Variants in FBXL2 observed in about 807,000 individuals in gnomAD.
FBXL2 encodes the protein F-box and leucine rich repeat protein 2.
In FBXL2, 38 loss-of-function variants were observed where a neutral mutation model predicts 69.2. The observed-to-expected ratio is 0.55, with a 90% CI of 0.42 to 0.72. FBXL2 has a LOEUF of 0.72. FBXL2 is among the 30% of genes least tolerant of loss of function. The pLI is 0.00. For missense variants in FBXL2, 354 were observed against 520.3 expected, an observed-to-expected ratio of 0.68 and a Z score of 3.11; for synonymous variants, 192 against 201.3, an observed-to-expected ratio of 0.95 and a Z score of 0.39.
intron 10 of FBXL2, 86 bp from the exon 11 acceptor site, chr3:33,377,187 A>G (rs983355757): frequency 7.7e-7 from 1 of 1,293,464 alleles, no homozygotes; most frequent in Non-Finnish European, 1.1e-6. Context: ...AAGAGCAGAA[A>G]AGACTCAAGT....
At chr3:33,340,942 C>A (rs2039975775) in intron 2 of FBXL2, among the ~76,000 whole-genome samples, 1 of 150,390 alleles carries the variant, frequency 6.6e-6, no homozygotes. Context: ...TTTAAATTGC[C>A]TATCTTATGC....
intron 1 of FBXL2, among the ~76,000 whole-genome samples, chr3:33,293,247 A>T (rs1438642759): frequency 6.6e-6 from 1 of 152,234 alleles, no homozygotes; most frequent in East Asian, 1.9e-4. Flanking sequence ...AGACTGTCTT[A>T]GGCACTTTAC....
chr3:33,395,749 T>TG (rs1286211979), intron 12 of FBXL2, among the ~76,000 whole-genome samples: 7 of 29,820 alleles, frequency 2.3e-4, no homozygotes, highest in Non-Finnish European at 4.4e-4. Flanking sequence ...TCAGGAAAAT[T>TG]GAAAAAAAAA....
In FBXL2 at chr3:33,320,033, G is replaced by T. The variant is rs78845556; in HGVS notation, c.65+22308G>T. ...ATGTATAGATAGGCCCAGTATTACA[G>T]ATATACCCATTCTCCCTAGATCTAT... On this transcript the variant is annotated intron_variant, in intron 2 of 14. Coordinates refer to ENST00000484457, the MANE Select transcript of FBXL2 (RefSeq NM_012157.5). Among the ~76,000 whole-genome samples the T allele has an allele frequency of 1.7e-4, 26 of 152,222 alleles. No homozygotes were observed. In the East Asian group the frequency reaches 4.4e-3, roughly 26 times the overall value.
chr3:33,373,019 T>C lies in FBXL2; in HGVS notation c.291-73T>C, dbSNP rs1575383125. On this transcript the variant is annotated intron_variant, in intron 5 of 14. Transcript: ENST00000484457. ...GTTTGAGGGAGCGCTGTTCTAAGCG[T>C]GAATGGTTTCATATGCCCTCTAGTG... is the stretch of plus-strand genomic sequence containing the variant. 49 of 1,278,634 alleles carry C rather than the reference T, an allele frequency of 3.8e-5. 1 individual carries two copies. In the East Asian group the frequency reaches 1.1e-3, roughly 29 times the overall value. The allele number at this position is 1,278,634 out of a possible 1,614,324, so 79.2% of individuals were successfully genotyped here. A position where few individuals can be genotyped will look rare whatever the true frequency, so the allele number is the denominator to read the frequency against.
At chr3:33,383,921 CTTTT>C in intron 13 of FBXL2, 64 bp from the exon 14 acceptor site, 1 of 1,514,954 alleles carries the variant, frequency 6.6e-7, no homozygotes. Context: ...TAGCTTCCAG[CTTTT>C]TTTTAGGACT....
At chr3:33,356,594 C>T (rs4399839) in intron 2 of FBXL2, among the ~76,000 whole-genome samples, 3,728 of 152,100 alleles carry the variant, frequency 0.025, 77 homozygotes, top group Admixed American at 0.058. Flanking sequence ...GTGGTCCACC[C>T]GCCTCAGCCT....
intron 5 of FBXL2, among the ~76,000 whole-genome samples, chr3:33,366,522 G>T (rs2041959981): frequency 6.6e-6 from 1 of 151,902 alleles, no homozygotes; most frequent in Non-Finnish European, 1.5e-5. Context: ...TAAGTAGCTG[G>T]GTGTGGTGGT....
intron 1 of FBXL2, 102 bp downstream of exon 1, chr3:33,277,617 C>G (rs958734123): frequency 1.1e-4 from 129 of 1,162,360 alleles, no homozygotes; most frequent in African/African-American, 3.7e-4. Context: ...GCGCAGGGGT[C>G]GTGGAGAGGC....
intron 2 of FBXL2, among the ~76,000 whole-genome samples, chr3:33,358,609 C>T (rs1259463263): frequency 6.6e-6 from 1 of 152,178 alleles, no homozygotes; most frequent in Non-Finnish European, 1.5e-5. Flanking sequence ...ATTTGAGGCT[C>T]AGGCATCTGA....
At chr3:33,377,232 A>G in intron 10 of FBXL2, 41 bp from the exon 11 acceptor site, 1 of 1,564,556 alleles carries the variant, frequency 6.4e-7, no homozygotes, top group Non-Finnish European at 8.8e-7. Flanking sequence ...ATTATTAACT[A>G]GTTGGTACCG....
At chr3:33,363,083 C>A (rs139104631) in intron 4 of FBXL2, among the ~76,000 whole-genome samples, 1 of 152,102 alleles carries the variant, frequency 6.6e-6, no homozygotes, top group Non-Finnish European at 1.5e-5. Flanking sequence ...CTCTGTCACC[C>A]AGGCTGGACT....
downstream of FBXL2, among the ~76,000 whole-genome samples, chr3:33,404,047 G>A (rs1278902294): frequency 6.6e-6 from 1 of 152,186 alleles, no homozygotes; most frequent in Non-Finnish European, 1.5e-5. Context: ...GATAGCTTGA[G>A]CCCAGGAGTT....
chr3:33,358,832 C>T (rs759379412), intron 2 of FBXL2, 135 bp from the exon 3 acceptor site: 35 of 503,950 alleles, frequency 6.9e-5, no homozygotes, highest in African/African-American at 1.2e-4. Context: ...TTATAGTGCA[C>T]TTGTATATTT....
rs35020611 is a variant in FBXL2 at position 33,370,417 on chromosome 3, C to CA, written c.291-2660dup. Among the ~76,000 whole-genome samples the CA allele has an allele frequency of 5.9e-3, 762 of 129,028 alleles. 5 individuals carry two copies. The highest frequency in any genetic ancestry group is 0.013 in the African/African-American group (465 of 34,660). 84.6% of individuals were successfully genotyped at this position (129,028 alleles called of 152,430 possible). A position where few individuals can be genotyped will look rare whatever the true frequency, so the allele number is the denominator to read the frequency against. ...TGGGTGACAGAGCGAGACTCCGTCT[C>CA]AAAAAAAAAAAAAAATTGCTGAGTC... On this transcript the variant is annotated intron_variant, in intron 5 of 14. Transcript: ENST00000484457.
chr3:33,372,668 G>C, intron 5 of FBXL2: 1 of 218,970 alleles, frequency 4.6e-6, no homozygotes, highest in Non-Finnish European at 9.1e-6. Context: ...CTCTGGAAAG[G>C]CTCTAGGGTA....
chr3:33,303,145 C>A (rs1345055625), intron 2 of FBXL2: 1 of 456,606 alleles, frequency 2.2e-6, no homozygotes. Flanking sequence ...CCTTATATAC[C>A]AGGGCATCCT....
chr3:33,342,490 A>G (rs1285870212), intron 2 of FBXL2, among the ~76,000 whole-genome samples: 1 of 151,580 alleles, frequency 6.6e-6, no homozygotes, highest in Non-Finnish European at 1.5e-5. Flanking sequence ...ACGAAAAAAT[A>G]GAGTTTCTGA....
downstream of FBXL2, chr3:33,390,131 C>T: frequency 1.7e-6 from 1 of 597,966 alleles, no homozygotes; most frequent in Non-Finnish European, 3.0e-6. Context: ...GATGTGCTCA[C>T]TCTCATGAGG....
Sources: allele counts gnomAD v4.1 joint callset (sites outside exome capture counted in the v4.1 genomes callset), GRCh38; gene constraint gnomAD v4.1.1; transcripts MANE v1.5; gene names NCBI Gene and HGNC (gene_info 2026-07-23, HGNC 2026-07-21).